Variants in DAB1 observed in about 807,000 individuals in gnomAD.
DAB1 encodes the protein DAB adaptor protein 1, also known as disabled homolog 1.
DAB1 carries 15 observed loss-of-function variants against 64.6 expected under a neutral mutation model. The observed-to-expected ratio is 0.23, with a 90% CI of 0.16 to 0.36. The LOEUF is 0.36. Among genes scored for constraint, DAB1 ranks in the 10% least tolerant of loss-of-function variants. The pLI is 1.00. For synonymous variants in DAB1, 235 were observed against 251.9 expected, an observed-to-expected ratio of 0.93 and a Z score of 0.64; for missense variants, 596 against 706.7, an observed-to-expected ratio of 0.84 and a Z score of 1.78.
At chr1:58,223,151 C>T (rs1229509373) in intron 4 of DAB1, among the ~76,000 whole-genome samples, 1 of 152,184 alleles carries the variant, frequency 6.6e-6, no homozygotes, top group African/African-American at 2.4e-5. Flanking sequence ...GCACACTCTC[C>T]ATGTATGAAC....
intron 10 of DAB1, 120 bp downstream of exon 10, chr1:57,025,861 G>A (rs1646768045): frequency 2.7e-6 from 2 of 747,890 alleles, no homozygotes; most frequent in Non-Finnish European, 4.3e-6. Flanking sequence ...CAGCTTGAAA[G>A]AGTCAACACT....
intron 5 of DAB1, among the ~76,000 whole-genome samples, chr1:58,114,249 G>A (rs1652180679): frequency 6.6e-6 from 1 of 152,092 alleles, no homozygotes; most frequent in Non-Finnish European, 1.5e-5. Flanking sequence ...GCAACAGAGA[G>A]AGACTCCATC....
intron 8 of DAB1, among the ~76,000 whole-genome samples, chr1:57,065,944 A>G (rs1411887592): frequency 4.9e-5 from 7 of 142,444 alleles, no homozygotes; most frequent in Non-Finnish European, 8.0e-5. Context: ...TGTTCTATAA[A>G]TAATCTTTTT....
intron 5 of DAB1, among the ~76,000 whole-genome samples, chr1:58,111,099 C>T (rs1373906171): frequency 1.3e-5 from 2 of 152,182 alleles, no homozygotes; most frequent in Non-Finnish European, 2.9e-5. Context: ...TATTTGTAGT[C>T]AAGACCATAT....
intron 5 of DAB1, among the ~76,000 whole-genome samples, chr1:58,135,144 T>C (rs907918661): frequency 6.6e-6 from 1 of 152,162 alleles, no homozygotes; most frequent in Non-Finnish European, 1.5e-5. Flanking sequence ...AAAGGGATCA[T>C]GGATGTGAGA....
intron 6 of DAB1, among the ~76,000 whole-genome samples, chr1:57,655,646 G>C (rs1646309432): frequency 6.6e-6 from 1 of 152,228 alleles, no homozygotes; most frequent in South Asian, 2.1e-4. Context: ...AATATAGAGT[G>C]TGTCAGATGG....
At chr1:57,798,840 G>C (rs1215894257) in intron 6 of DAB1, among the ~76,000 whole-genome samples, 1 of 152,174 alleles carries the variant, frequency 6.6e-6, no homozygotes, top group Non-Finnish European at 1.5e-5. Flanking sequence ...TTATCATTGA[G>C]TTTGACAGAA....
chr1:57,945,002 T>G (rs181367325), intron 5 of DAB1, among the ~76,000 whole-genome samples: 1 of 152,200 alleles, frequency 6.6e-6, no homozygotes, highest in Admixed American at 6.6e-5. Context: ...AAAGGTCTTA[T>G]AGGTACTTGC....
chr1:57,729,785 G>T (rs535404888), intron 6 of DAB1, among the ~76,000 whole-genome samples: 3 of 152,280 alleles, frequency 2.0e-5, no homozygotes, highest in Non-Finnish European at 4.4e-5. Context: ...TTATGTCCAG[G>T]CATGGTGGCT....
chr1:57,172,213 C>T (rs1228803735), intron 2 of DAB1, among the ~76,000 whole-genome samples: 1 of 152,126 alleles, frequency 6.6e-6, no homozygotes, highest in Non-Finnish European at 1.5e-5. Flanking sequence ...CGTCTTAACT[C>T]ATTAAATTTG....
chr1:57,558,416 A>G (rs1645014786), intron 7 of DAB1, among the ~76,000 whole-genome samples: 1 of 152,168 alleles, frequency 6.6e-6, no homozygotes, highest in East Asian at 1.9e-4. Context: ...GCGGGCCCCT[A>G]GAGGTGAGGT....
intron 3 of DAB1, among the ~76,000 whole-genome samples, chr1:58,466,942 TTGAA>T (rs1645303771): frequency 6.6e-6 from 1 of 152,158 alleles, no homozygotes; most frequent in Non-Finnish European, 1.5e-5. Context: ...GCAGGTGTTG[TTGAA>T]TGAATGAATA....
In DAB1 at chr1:57,328,198, G is replaced by A. The variant is rs983282628; in HGVS notation, c.-136-37032C>T. 3.3e-5 allele frequency among the ~76,000 whole-genome samples: 5 copies of A among 152,112 alleles called. 1 individual carries two copies. In the East Asian group the frequency reaches 5.8e-4, roughly 18 times the overall value. ...GGTGGGTAGGTCTGTGAGTTTTCTGGGTCAGATCCCAGGAATTAGAGGCAA... is the reference window on the plus strand; with the variant it reads ...GGTGGGTAGGTCTGTGAGTTTTCTGAGTCAGATCCCAGGAATTAGAGGCAA... On this transcript the variant is annotated intron_variant, in intron 1 of 14. Coordinates refer to ENST00000371236, the MANE Select transcript of DAB1 (RefSeq NM_001365792.1).
intron 3 of DAB1, among the ~76,000 whole-genome samples, chr1:58,365,497 C>T (rs1373241439): frequency 6.6e-6 from 1 of 152,186 alleles, no homozygotes; most frequent in African/African-American, 2.4e-5. Context: ...TAGGACTATA[C>T]AGATCTGGCC....
intron 6 of DAB1, among the ~76,000 whole-genome samples, chr1:57,808,852 T>C (rs536474706): frequency 1.4e-4 from 22 of 152,302 alleles, no homozygotes; most frequent in African/African-American, 5.3e-4. Context: ...GGTTTTCATG[T>C]CATTTATCCT....
intron 3 of DAB1, among the ~76,000 whole-genome samples, chr1:58,440,702 C>A (rs1370945395): frequency 6.6e-6 from 1 of 152,150 alleles, no homozygotes; most frequent in East Asian, 1.9e-4. Flanking sequence ...AGGCATTGTT[C>A]TTTGCATTTT....
chr1:57,218,716 T>A (rs908024296), intron 2 of DAB1, among the ~76,000 whole-genome samples: 1 of 152,038 alleles, frequency 6.6e-6, no homozygotes, highest in East Asian at 1.9e-4. Context: ...TTCCATAGCC[T>A]GTTCTGTGTT....
At chr1:58,162,783 C>G (rs1481537632) in intron 4 of DAB1, among the ~76,000 whole-genome samples, 1 of 152,114 alleles carries the variant, frequency 6.6e-6, no homozygotes, top group Non-Finnish European at 1.5e-5. Flanking sequence ...ACATTATAGT[C>G]TATTACAAAA....
intron 2 of DAB1, among the ~76,000 whole-genome samples, chr1:58,513,154 C>T (rs1171187516): frequency 6.6e-6 from 1 of 152,038 alleles, no homozygotes; most frequent in Non-Finnish European, 1.5e-5. Flanking sequence ...CAGCAGTTCC[C>T]CCATGCTGTT....
Sources: allele counts gnomAD v4.1 joint callset (sites outside exome capture counted in the v4.1 genomes callset), GRCh38; gene constraint gnomAD v4.1.1; transcripts MANE v1.5; gene names NCBI Gene and HGNC (gene_info 2026-07-23, HGNC 2026-07-21).